The following DOCK3 variants were observed in gnomAD, a reference collection of about 807,000 sequenced individuals.
The protein encoded by DOCK3 is dedicator of cytokinesis protein 3.
A neutral mutation model predicts 265.6 loss-of-function variants in DOCK3; 60 were observed. The observed-to-expected ratio is 0.23, with a 90% CI of 0.18 to 0.28. The LOEUF is 0.28. Among genes scored for constraint, DOCK3 ranks in the 10% least tolerant of loss-of-function variants. DOCK3 has a pLI of 1.00. For missense variants in DOCK3, 1,981 were observed against 2,594.3 expected (o/e 0.76, Z 5.14); for synonymous variants, 881 against 938.0 (o/e 0.94, Z 1.11).
chr3:50,720,790 A>G (rs1416911004), intron 1 of DOCK3, among the ~76,000 whole-genome samples: 4 of 152,188 alleles, frequency 2.6e-5, no homozygotes, highest in African/African-American at 7.2e-5. Flanking sequence ...TTCTTCCACA[A>G]TGGCTGAACC....
rs140317796 is a variant in DOCK3, at chr3:50,963,361, G to A, written c.315+29284G>A. On this transcript the variant is annotated intron_variant, in intron 5 of 52. Transcript: ENST00000266037. ...GATTACTTCTAGTAAATATGACAGG[G>A]TGGTAGTGTTCTTTATTTCTCTTCT... Among the ~76,000 whole-genome samples, 7 of 152,178 alleles carry A rather than the reference G, an allele frequency of 4.6e-5. No homozygotes were observed. In the East Asian group the frequency reaches 1.3e-3, roughly 29 times the overall value.
At chr3:51,073,825 C>G (rs1439928536) in intron 6 of DOCK3, among the ~76,000 whole-genome samples, 1 of 151,994 alleles carries the variant, frequency 6.6e-6, no homozygotes, top group Non-Finnish European at 1.5e-5. Context: ...ATTCTTAATC[C>G]TAGTAACCAT....
chr3:51,002,585 G>C (rs1237980663), intron 5 of DOCK3, among the ~76,000 whole-genome samples: 1 of 152,158 alleles, frequency 6.6e-6, no homozygotes, highest in Non-Finnish European at 1.5e-5. Context: ...TCCAGTTTAA[G>C]TTAATTTTTA....
chr3:50,714,847 G>A (rs2036999931), intron 1 of DOCK3, among the ~76,000 whole-genome samples: 1 of 152,168 alleles, frequency 6.6e-6, no homozygotes, highest in Non-Finnish European at 1.5e-5. Flanking sequence ...CTTTGCACAT[G>A]CTCTTCTAAC....
At chr3:50,831,226 T>A (rs2045139751) in intron 2 of DOCK3, among the ~76,000 whole-genome samples, 1 of 150,812 alleles carries the variant, frequency 6.6e-6, no homozygotes, top group African/African-American at 2.4e-5. Context: ...TATTTATTTA[T>A]TTTTAATTTT....
chr3:50,875,008 A>AC (rs2047631255), intron 3 of DOCK3, among the ~76,000 whole-genome samples: 1 of 152,198 alleles, frequency 6.6e-6, no homozygotes, highest in African/African-American at 2.4e-5. Flanking sequence ...GGAGTTGAAC[A>AC]ATGAGAACAC....
intron 1 of DOCK3, among the ~76,000 whole-genome samples, chr3:50,772,464 T>A (rs959565743): frequency 6.6e-6 from 1 of 152,228 alleles, no homozygotes; most frequent in Admixed American, 6.5e-5. Context: ...GGTTTGTAAC[T>A]CAAAGGATAA....
intron 7 of DOCK3, among the ~76,000 whole-genome samples, chr3:51,087,248 C>T (rs1053742680): frequency 6.6e-6 from 1 of 152,084 alleles, no homozygotes; most frequent in South Asian, 2.1e-4. Context: ...AAAATACTAG[C>T]AAATTGAATC....
chr3:51,044,577 T>TAA (rs200715535), intron 5 of DOCK3, among the ~76,000 whole-genome samples: 2 of 139,434 alleles, frequency 1.4e-5, no homozygotes, highest in East Asian at 2.0e-4. Flanking sequence ...TCACTGAACT[T>TAA]AAAAAAAAAA....
Position 51,127,051 on chromosome 3 carries a change from G to A in DOCK3, c.747-19498G>A, listed in dbSNP as rs542985433. Among the ~76,000 whole-genome samples the A allele has an allele frequency of 5.9e-5, 9 of 152,238 alleles. No individual in the cohort carries two copies. The South Asian group carries it at 1.0e-3, about 18-fold the overall frequency. ...GCTGAGGAGCAAGGAGAGCCAGCCC[G>A]AGTTCCAAAACTGAATAACTTGGAG... On this transcript the variant is annotated intron_variant, in intron 9 of 52. Transcript: ENST00000266037.
intron 2 of DOCK3, among the ~76,000 whole-genome samples, chr3:50,832,788 G>T (rs1164043075): frequency 6.6e-6 from 1 of 152,080 alleles, no homozygotes; most frequent in Admixed American, 6.5e-5. Context: ...GGCTGAATAG[G>T]GGTGGTGATA....
intron 9 of DOCK3, among the ~76,000 whole-genome samples, chr3:51,119,408 C>T (rs2083910364): frequency 6.6e-6 from 1 of 152,160 alleles, no homozygotes; most frequent in African/African-American, 2.4e-5. Flanking sequence ...TTTTTTCCTT[C>T]ATTTCAACCT....
At chr3:51,241,276 T>C (rs2078599484) in intron 21 of DOCK3, among the ~76,000 whole-genome samples, 1 of 152,192 alleles carries the variant, frequency 6.6e-6, no homozygotes, top group Non-Finnish European at 1.5e-5. Context: ...TGCTTGTTTC[T>C]ACTGAGAGAT....
At chr3:50,914,656 T>C (rs1425062414) in intron 4 of DOCK3, among the ~76,000 whole-genome samples, 3 of 152,156 alleles carry the variant, frequency 2.0e-5, no homozygotes, top group Admixed American at 2.0e-4. Context: ...GATATGAATG[T>C]TTATTCTTCA....
intron 4 of DOCK3, among the ~76,000 whole-genome samples, chr3:50,891,540 G>A (rs1219227225): frequency 2.0e-5 from 3 of 152,064 alleles, no homozygotes; most frequent in Non-Finnish European, 4.4e-5. Context: ...AAAGTATCAA[G>A]CCTGGATAGA....
intron 12 of DOCK3, among the ~76,000 whole-genome samples, chr3:51,208,359 T>C (rs1053528334): frequency 6.6e-6 from 1 of 152,202 alleles, no homozygotes; most frequent in African/African-American, 2.4e-5. Context: ...ATGACAGTTG[T>C]ATGACAGTAA....
chr3:51,072,896 T>G (rs1375970491), intron 6 of DOCK3, among the ~76,000 whole-genome samples: 1 of 150,552 alleles, frequency 6.6e-6, no homozygotes, highest in East Asian at 1.9e-4. Context: ...TTTTTAGAGA[T>G]GGGGTCTCAC....
chr3:51,313,705 C>T (rs905976792), intron 31 of DOCK3, among the ~76,000 whole-genome samples: 1 of 152,128 alleles, frequency 6.6e-6, no homozygotes, highest in Admixed American at 6.5e-5. Flanking sequence ...GTTAACCATC[C>T]CCACCACTAA....
intron 14 of DOCK3, among the ~76,000 whole-genome samples, chr3:51,222,337 G>A (rs1276137915): frequency 6.6e-6 from 1 of 152,204 alleles, no homozygotes; most frequent in East Asian, 1.9e-4. Context: ...AATAGGGACA[G>A]CTGAAGAGTG....
Sources: allele counts gnomAD v4.1 joint callset (sites outside exome capture counted in the v4.1 genomes callset), GRCh38; gene constraint gnomAD v4.1.1; transcripts MANE v1.5; gene names NCBI Gene and HGNC (gene_info 2026-07-23, HGNC 2026-07-21).